The following GGT1 variants were observed in gnomAD, a reference collection of about 807,000 sequenced individuals.
GGT1 encodes the protein glutathione hydrolase 1 proenzyme.
A neutral mutation model predicts 56.0 loss-of-function variants in GGT1; 21 were observed. That is an observed-to-expected ratio of 0.38 (90% CI 0.27 to 0.54). The LOEUF (loss-of-function observed/expected upper bound fraction) is 0.54, where lower values mean the gene tolerates loss of function less well. GGT1 is among the 20% of genes least tolerant of loss of function. GGT1 has a pLI of 0.82. For synonymous variants in GGT1, 238 were observed against 342.6 expected, an observed-to-expected ratio of 0.69 and a Z score of 3.37; for missense variants, 466 against 787.0, an observed-to-expected ratio of 0.59 and a Z score of 4.88.
At chr22:24,606,346 T>G (rs1195519609) in intron 1 of GGT1, among the ~76,000 whole-genome samples, 2 of 151,624 alleles carry the variant, frequency 1.3e-5, no homozygotes, top group East Asian at 3.9e-4. Context: ...GTCCAAGTGT[T>G]CTCATTGTTT....
rs1444156580 is a variant in GGT1 at position 24,605,524 on chromosome 22, T to A, written c.-429+1997T>A. On this transcript the variant is annotated intron_variant, in intron 1 of 15. Transcript: ENST00000400382. The stretch of plus-strand genomic sequence containing the variant: ...ATATTATATAATGTGTATTATATAT[T>A]ATATAATATTATATAATGTGTATTA... 1.6e-4 allele frequency among the ~76,000 whole-genome samples: 10 copies of A among 62,458 alleles called. 1 individual carries two copies. The highest frequency in any genetic ancestry group is 9.3e-4 in the East Asian group (2 of 2,160). The allele number at this position is 62,458 out of a possible 152,430, so 41.0% of individuals were successfully genotyped here.
chr22:24,622,973 C>T lies in GGT1; in HGVS notation c.734-134C>T, dbSNP rs552181729. The stretch of plus-strand genomic sequence containing the variant: ...CCCTCCAGTAGTGCACTCTGTCCTC[C>T]CTGGTAGGTACAGGCTTTTCCCCAC... On this transcript the variant is annotated intron_variant, in intron 9 of 15. Transcript: ENST00000400382. The T allele has an allele frequency of 1.5e-4, 136 of 933,488 alleles. 1 individual carries two copies. In the African/African-American group the frequency reaches 2.1e-3, roughly 14 times the overall value. 57.8% of individuals were successfully genotyped at this position (933,488 alleles called of 1,614,324 possible).
At position 24,620,154 on chromosome 22, in the gene GGT1, C is replaced by T. The variant is rs57929303; in HGVS notation, c.383-174C>T. On this transcript the variant is annotated intron_variant, in intron 7 of 15. Transcript: ENST00000400382. This position sits in a 1 kb window ranked among gnomAD's most constrained non-coding sequence, Gnocchi z 5.6. ...TCGCTTGAATCCAGGAGTTCGAGAT[C>T]GGGCTGGGCAAGATGGCAAGACCCC... is the stretch of plus-strand genomic sequence containing the variant. Among the ~76,000 whole-genome samples the T allele has an allele frequency of 3.3e-5, 5 of 151,738 alleles. No individual in the cohort carries two copies. Among genetic ancestry groups the T allele is most frequent in the Non-Finnish European group, 4.4e-5 (3 of 67,916 alleles).
intron 5 of GGT1, among the ~76,000 whole-genome samples, 160 bp from the exon 6 acceptor site, chr22:24,614,614 CAA>C (rs4049879): frequency 1.5e-3 from 100 of 68,602 alleles, no homozygotes; most frequent in Admixed American, 2.9e-3. Flanking sequence ...GACTCCATCT[CAA>C]AAAAAAAAAA....
At chr22:24,627,376 G>GCCCCCAGGCC in intron 11 of GGT1, 56 bp from the exon 12 acceptor site, 4 of 896,764 alleles carry the variant, frequency 4.5e-6, no homozygotes, top group Non-Finnish European at 7.1e-6. Context: ...TGAGACCTGT[G>GCCCCCAGGCC]CCCCCTCCCC....
chr22:24,600,027 T>TC (rs1569044304), upstream of GGT1, among the ~76,000 whole-genome samples: 1 of 152,140 alleles, frequency 6.6e-6, no homozygotes, highest in Non-Finnish European at 1.5e-5. Context: ...TCCACCCCCA[T>TC]CCCCTCCTTG....
chr22:24,592,183 A>C, upstream of GGT1: 2 of 407,982 alleles, frequency 4.9e-6, no homozygotes, highest in Non-Finnish European at 9.9e-6. Flanking sequence ...GCATCCTGGG[A>C]CAACCCAGGG....
Position 24,625,396 on chromosome 22 carries a change from C to T in GGT1, c.1020+1480C>T, listed in dbSNP as rs568655119. On this transcript the variant is annotated intron_variant, in intron 11 of 15. Transcript: ENST00000400382. Reference sequence around the variant, plus strand: ...TCAAGCAATCCTCCCACTTCAGCCCCCTGAACAGCTGGGACCAGAGGCACG... The same window carrying T: ...TCAAGCAATCCTCCCACTTCAGCCCTCTGAACAGCTGGGACCAGAGGCACG... 2.6e-5 allele frequency among the ~76,000 whole-genome samples: 4 copies of T among 152,272 alleles called. No individual in the cohort carries two copies. In the South Asian group the frequency reaches 8.3e-4, roughly 32 times the overall value.
Position 24,623,775 on chromosome 22 carries a change from A to G in GGT1, c.884-5A>G. 8 of 1,611,690 alleles carry G rather than the reference A, an allele frequency of 5.0e-6. No homozygotes were observed. Among genetic ancestry groups the G allele is most frequent in the Non-Finnish European group, 6.8e-6 (8 of 1,179,788 alleles). On this transcript the variant is annotated splice_polypyrimidine_tract_variant and splice_region_variant and intron_variant, in intron 10 of 15. Coordinates refer to ENST00000400382, the MANE Select transcript of GGT1 (RefSeq NM_001288833.2). ...AGCAACATGCACCTGGCTCTGATCA[A>G]CCAGGGTACAACTTCTCCCGGGAGA...
At chr22:24,599,013 C>T (rs1316799883), upstream of GGT1, among the ~76,000 whole-genome samples, 1 of 152,226 alleles carries the variant, frequency 6.6e-6, no homozygotes, top group African/African-American at 2.4e-5. Context: ...GTGATCCACC[C>T]ACCTCGTCCT....
the GGT1 span, chr22:24,583,853 G>A: frequency 4.3e-6 from 2 of 465,038 alleles, no homozygotes; most frequent in Non-Finnish European, 4.5e-6. Context: ...GGCTGGCTTA[G>A]GGCCAGTGGT....
Position 24,627,582 on chromosome 22 carries a change from G to T in GGT1, c.1171G>T (p.Gly391Cys). The T allele has an allele frequency of 6.2e-7, 1 of 1,610,512 alleles. No individual in the cohort carries two copies. Among genetic ancestry groups the T allele is most frequent in the Non-Finnish European group, 8.5e-7 (1 of 1,179,284 alleles). The change falls in exon 12 of 16, where the codon GGC (glycine) becomes TGC (cysteine). Residue 391 changes from glycine (G) to cysteine (C), a missense_variant. By Grantham distance (159) the Gly-to-Cys change is radical (BLOSUM62 -3). Coordinates refer to ENST00000400382, the MANE Select transcript of GGT1 (RefSeq NM_001288833.2). ...TAHLSVVAED[G>C]SAVSATSTIN... is the part of the protein sequence containing the mutation. Reference sequence around the variant, plus strand: ...TCACCTGTCTGTCGTCGCAGAGGACGGCAGTGCTGTGTCCGCCACCAGCAC... The same window carrying T: ...TCACCTGTCTGTCGTCGCAGAGGACTGCAGTGCTGTGTCCGCCACCAGCAC...
upstream of GGT1, among the ~76,000 whole-genome samples, chr22:24,593,631 C>G (rs1005306494): frequency 6.6e-6 from 1 of 151,854 alleles, no homozygotes; most frequent in Non-Finnish European, 1.5e-5. Context: ...ATTGAAAATA[C>G]AAAAAATTAG....
upstream of GGT1, chr22:24,589,825 T>C (rs767830778): frequency 2.2e-5 from 35 of 1,612,252 alleles, no homozygotes; most frequent in Non-Finnish European, 2.7e-5. Context: ...CCTCACCTTC[T>C]TGGGGCACTG....
In GGT1 at chr22:24,620,975, T is replaced by C; in HGVS notation, c.638T>C (p.Leu213Pro). 6.2e-7 allele frequency: 1 copy of C among 1,611,982 alleles called. No individual in the cohort carries two copies. Among genetic ancestry groups the C allele is most frequent in the Non-Finnish European group, 8.5e-7 (1 of 1,179,836 alleles). ...GGGGAGAGACTGACCCTGCCGCAGC[T>C]GGCTGACACCTACGAGACGCTGGCC... Reference protein sequence around the residue: ...REGERLTLPQLADTYETLAIE... With the variant: ...REGERLTLPQPADTYETLAIE... Residue 213 changes from leucine to proline, a missense_variant, in exon 9 of 16, where the codon CTG (leucine) becomes CCG (proline). Physicochemically the swap from Leu to Pro is moderately conservative, Grantham distance 98. Transcript: ENST00000400382. This position sits in a 1 kb window ranked among gnomAD's most constrained non-coding sequence, Gnocchi z 5.6.
intron 11 of GGT1, among the ~76,000 whole-genome samples, chr22:24,625,974 CTTTAT>C (rs943265236): frequency 6.2e-5 from 9 of 145,170 alleles, no homozygotes; most frequent in South Asian, 4.3e-4. Context: ...GTTGCTGAAA[CTTTAT>C]TTTATTTTAT....
the GGT1 span, chr22:24,583,826 A>G: frequency 1.1e-5 from 5 of 470,370 alleles, no homozygotes; most frequent in African/African-American, 6.0e-5. Flanking sequence ...TCTCTCAGTG[A>G]CAATTGAGAG....
the GGT1 span, chr22:24,589,363 G>A: frequency 5.1e-5 from 58 of 1,127,566 alleles, no homozygotes; most frequent in Non-Finnish European, 6.3e-5. Context: ...GTGAGCACCC[G>A]TCCGCAAGGG....
At chr22:24,602,272 A>G (rs751864985), upstream of GGT1, among the ~76,000 whole-genome samples, 2 of 152,120 alleles carry the variant, frequency 1.3e-5, no homozygotes, top group African/African-American at 2.4e-5. Flanking sequence ...CAAGGCCCCT[A>G]TTCTGGTGTC....
Sources: allele counts gnomAD v4.1 joint callset (sites outside exome capture counted in the v4.1 genomes callset), GRCh38; gene constraint gnomAD v4.1.1; non-coding constraint Gnocchi (gnomAD v3.1); transcripts MANE v1.5; gene names NCBI Gene and HGNC (gene_info 2026-07-23, HGNC 2026-07-21).